Variants in OPCML observed in about 807,000 individuals in gnomAD.
OPCML encodes the protein opioid-binding protein/cell adhesion molecule.
A neutral mutation model predicts 37.8 loss-of-function variants in OPCML; 13 were observed. The observed-to-expected ratio is 0.34, with a 90% CI of 0.22 to 0.55. The LOEUF is 0.55. OPCML is among the 20% of genes least tolerant of loss of function. OPCML has a pLI of 0.91. For synonymous variants in OPCML, 176 were observed against 168.8 expected, an observed-to-expected ratio of 1.04 and a Z score of -0.33; for missense variants, 341 against 435.6, an observed-to-expected ratio of 0.78 and a Z score of 1.93.
intron 1 of OPCML, among the ~76,000 whole-genome samples, chr11:133,375,627 G>A (rs1388654409): frequency 1.3e-5 from 2 of 152,066 alleles, no homozygotes; most frequent in African/African-American, 4.8e-5. Context: ...TCTCCTGAGT[G>A]CCTACTATAC....
chr11:132,816,281 C>T (rs1939633374), intron 2 of OPCML, among the ~76,000 whole-genome samples: 1 of 152,046 alleles, frequency 6.6e-6, no homozygotes, highest in Non-Finnish European at 1.5e-5. Flanking sequence ...TGTAAAGGGC[C>T]AGATAATAAA....
chr11:133,171,781 A>C (rs995149330), intron 1 of OPCML, among the ~76,000 whole-genome samples: 2 of 152,238 alleles, frequency 1.3e-5, no homozygotes, highest in African/African-American at 4.8e-5. Context: ...TCAAAGAAAC[A>C]GCAAAGGGTG....
chr11:133,058,166 T>G (rs1565423755), intron 1 of OPCML, among the ~76,000 whole-genome samples: 1 of 151,968 alleles, frequency 6.6e-6, no homozygotes, highest in Non-Finnish European at 1.5e-5. Context: ...GTGACAAATG[T>G]TTGAAAGTAG....
intron 1 of OPCML, among the ~76,000 whole-genome samples, chr11:133,018,650 TCACAC>T (rs1259270179): frequency 6.6e-6 from 1 of 152,246 alleles, no homozygotes; most frequent in Non-Finnish European, 1.5e-5. Flanking sequence ...GTTGCTGGTT[TCACAC>T]CAGCCCTTGA....
intron 1 of OPCML, among the ~76,000 whole-genome samples, chr11:133,055,850 G>T (rs555781987): frequency 6.7e-6 from 1 of 150,090 alleles, no homozygotes; most frequent in Non-Finnish European, 1.5e-5. Context: ...CGCCTCTACC[G>T]TATAATGCTG....
chr11:133,104,829 A>G (rs552791663), intron 1 of OPCML, among the ~76,000 whole-genome samples: 2 of 149,252 alleles, frequency 1.3e-5, no homozygotes, highest in Non-Finnish European at 3.0e-5. Context: ...TAAATGGATC[A>G]TGGTTCACAA....
At chr11:133,363,509 C>T (rs978371966) in intron 1 of OPCML, among the ~76,000 whole-genome samples, 2 of 152,232 alleles carry the variant, frequency 1.3e-5, no homozygotes, top group African/African-American at 4.8e-5. Context: ...TTTAATACTA[C>T]TTAAAAGCAG....
chr11:133,522,969 A>G (rs1334138685), intron 1 of OPCML, among the ~76,000 whole-genome samples: 1 of 152,154 alleles, frequency 6.6e-6, no homozygotes, highest in Non-Finnish European at 1.5e-5. Flanking sequence ...CATGCTTTGC[A>G]TCGTGATAAT....
intron 1 of OPCML, among the ~76,000 whole-genome samples, chr11:133,401,341 A>C (rs1201576701): frequency 6.6e-6 from 1 of 152,204 alleles, no homozygotes; most frequent in Non-Finnish European, 1.5e-5. Flanking sequence ...TTTCTGTAAA[A>C]ATAACAAAGC....
intron 2 of OPCML, among the ~76,000 whole-genome samples, chr11:132,910,121 C>T (rs567890356): frequency 6.6e-6 from 1 of 152,312 alleles, no homozygotes; most frequent in East Asian, 1.9e-4. Flanking sequence ...ACAGAAGGCA[C>T]TCCTCCTCTG....
intron 1 of OPCML, among the ~76,000 whole-genome samples, chr11:133,441,001 C>T (rs963324253): frequency 2.0e-5 from 3 of 151,182 alleles, no homozygotes; most frequent in African/African-American, 7.3e-5. Context: ...GTATGATTGC[C>T]TACATCTAAA....
intron 1 of OPCML, among the ~76,000 whole-genome samples, chr11:133,340,262 G>A (rs929519216): frequency 6.6e-6 from 1 of 152,118 alleles, no homozygotes; most frequent in Non-Finnish European, 1.5e-5. Flanking sequence ...AGTGTCCTTT[G>A]ACTCTCCGGG....
chr11:132,824,475 A>G (rs1223326549), intron 2 of OPCML, among the ~76,000 whole-genome samples: 1 of 152,030 alleles, frequency 6.6e-6, no homozygotes, highest in African/African-American at 2.4e-5. Context: ...GTTCATCCTC[A>G]CTTTTTATCA....
intron 4 of OPCML, among the ~76,000 whole-genome samples, chr11:132,484,226 A>T (rs918151554): frequency 1.6e-4 from 25 of 152,222 alleles, no homozygotes; most frequent in Non-Finnish European, 2.9e-4. Flanking sequence ...TACAAGAAAA[A>T]AACACACAAC....
chr11:132,469,806 GTGTT>G (rs2096131421), intron 4 of OPCML, among the ~76,000 whole-genome samples: 1 of 102,754 alleles, frequency 9.7e-6, no homozygotes, highest in South Asian at 3.9e-4. Flanking sequence ...GGGTGTGTGT[GTGTT>G]TGTGTGGTGT....
intron 4 of OPCML, among the ~76,000 whole-genome samples, chr11:132,476,557 G>C (rs960209197): frequency 1.3e-5 from 2 of 152,008 alleles, no homozygotes; most frequent in Non-Finnish European, 2.9e-5. Flanking sequence ...GGATGAAGCT[G>C]GAAACCATCA....
intron 1 of OPCML, among the ~76,000 whole-genome samples, chr11:132,991,480 T>C (rs1425210211): frequency 1.3e-5 from 2 of 152,260 alleles, no homozygotes; most frequent in African/African-American, 4.8e-5. Flanking sequence ...AGCTTATAAA[T>C]GGTGCTTATC....
chr11:133,185,155 T>C (rs1938014899), intron 1 of OPCML, among the ~76,000 whole-genome samples: 1 of 152,182 alleles, frequency 6.6e-6, no homozygotes, highest in African/African-American at 2.4e-5. Context: ...GAAGAGCTAG[T>C]GTCAATCTAT....
intron 2 of OPCML, among the ~76,000 whole-genome samples, chr11:132,681,880 G>A (rs1451664091): frequency 2.6e-5 from 4 of 151,868 alleles, no homozygotes; most frequent in East Asian, 1.9e-4. Context: ...GCGTGAACCC[G>A]GGAGGTGGAG....
Sources: gnomAD v4.1 joint callset for allele counts (sites outside exome capture counted in the v4.1 genomes callset) on GRCh38, gnomAD v4.1.1 for gene constraint, MANE v1.5 for transcripts, NCBI Gene and HGNC (gene_info 2026-07-23, HGNC 2026-07-21) for gene names.